The following EML1 variants were observed in gnomAD, a reference collection of about 807,000 sequenced individuals.
EML1 encodes the protein EMAP like 1, also known as echinoderm microtubule-associated protein-like 1.
Under a neutral mutation model 110.4 loss-of-function variants are expected in EML1, and 27 were observed. The observed-to-expected ratio is 0.24, with a 90% CI of 0.18 to 0.34. EML1 has a LOEUF of 0.34. Ranked by LOEUF, EML1 falls within the 10% of genes least tolerant of loss-of-function variation. The probability of loss-of-function intolerance (pLI) is 1.00; values close to 1 mark genes in which losing one functional copy is unlikely to be tolerated. For synonymous variants in EML1, 344 were observed against 385.8 expected, an observed-to-expected ratio of 0.89 and a Z score of 1.27; for missense variants, 741 against 1,030.9, an observed-to-expected ratio of 0.72 and a Z score of 3.85.
chr14:99,836,404 T>A (rs2058541563), intron 1 of EML1, among the ~76,000 whole-genome samples: 1 of 152,164 alleles, frequency 6.6e-6, no homozygotes, highest in Non-Finnish European at 1.5e-5. Flanking sequence ...ACGAGAGGGT[T>A]TTTTTGGTCA....
intron 1 of EML1, among the ~76,000 whole-genome samples, chr14:99,813,492 A>AT (rs757051347): frequency 6.6e-6 from 1 of 152,154 alleles, no homozygotes; most frequent in Non-Finnish European, 1.5e-5. Context: ...AGGCAGAAGG[A>AT]TTGCCTGAGC....
In EML1 at chr14:99,766,346, C is replaced by A. The variant is rs190012074; in HGVS notation, c.28+28486C>A. On this transcript the variant is annotated intron_variant, in intron 1 of 10. Coordinates refer to the EML1 transcript ENST00000554479. ...AGTAGCTGGGATTACAGGTGCCCAC[C>A]ACCATGCCAGCTAATTTTTGTATTT... is the stretch of plus-strand genomic sequence containing the variant. Among the ~76,000 whole-genome samples, 21 of 147,388 alleles carry A rather than the reference C, an allele frequency of 1.4e-4. No homozygotes were observed. The East Asian group carries it at 3.8e-3, about 26-fold the overall frequency.
At chr14:99,804,631 A>G (rs1190333446) in intron 1 of EML1, among the ~76,000 whole-genome samples, 3 of 152,228 alleles carry the variant, frequency 2.0e-5, no homozygotes, top group Non-Finnish European at 4.4e-5. Flanking sequence ...TGGGACAGCT[A>G]TAGACCTGAA....
At chr14:99,760,165 T>TG (rs1302224406) in intron 1 of EML1, among the ~76,000 whole-genome samples, 4 of 146,158 alleles carry the variant, frequency 2.7e-5, no homozygotes, top group African/African-American at 7.6e-5. Context: ...CCCCCAAACT[T>TG]ACAAATGTGC....
intron 1 of EML1, among the ~76,000 whole-genome samples, chr14:99,741,256 G>A (rs1403732639): frequency 6.6e-6 from 1 of 152,202 alleles, no homozygotes; most frequent in Non-Finnish European, 1.5e-5. Flanking sequence ...CTCTCCTCCT[G>A]TGTAACCTTC....
intron 3 of EML1, among the ~76,000 whole-genome samples, chr14:99,873,851 T>C (rs2059245229): frequency 6.6e-6 from 1 of 152,242 alleles, no homozygotes; most frequent in South Asian, 2.1e-4. Context: ...TGGGTCCTGG[T>C]CCCTTGTGGA....
rs2057539478 is a variant in EML1, at chr14:99,781,492, C to CA, written c.-27+7480dup. Among the ~76,000 whole-genome samples the CA allele has an allele frequency of 6.6e-6, 1 of 152,182 alleles. No individual in the cohort carries two copies. The highest frequency in any genetic ancestry group is 2.4e-5 in the African/African-American group (1 of 41,406). On this transcript the variant is annotated intron_variant, in intron 1 of 22. Coordinates refer to the EML1 transcript ENST00000327921. This position sits in a 1 kb window ranked among gnomAD's most constrained non-coding sequence, Gnocchi z 4.2. ...AGTGTGGTCTGGCGGGCCAGTTCCCCACCCCACAGCTGGGAGGATGGCTGC... is the reference window on the plus strand; with the variant it reads ...AGTGTGGTCTGGCGGGCCAGTTCCCCAACCCCACAGCTGGGAGGATGGCTGC...
chr14:99,932,039 C>G (rs1278012350), intron 17 of EML1, among the ~76,000 whole-genome samples: 2 of 152,150 alleles, frequency 1.3e-5, no homozygotes, highest in African/African-American at 4.8e-5. Flanking sequence ...ACATCACGCA[C>G]TGGTGGGTGC....
chr14:99,854,668 C>T (rs764574536), intron 2 of EML1, among the ~76,000 whole-genome samples: 21 of 152,214 alleles, frequency 1.4e-4, no homozygotes, highest in Non-Finnish European at 2.8e-4. Context: ...CCATATCACA[C>T]ACCTTCACTG....
chr14:99,895,965 G>A (rs1461785444), intron 6 of EML1, among the ~76,000 whole-genome samples: 2 of 152,134 alleles, frequency 1.3e-5, no homozygotes, highest in South Asian at 2.1e-4. Flanking sequence ...TATAACTAAC[G>A]TTCTTGAAAC....
chr14:99,914,320 GCA>G lies in EML1; in HGVS notation c.1620+17_1620+18del, dbSNP rs2059996964. The G allele has an allele frequency of 6.3e-7, 1 of 1,599,736 alleles. No individual in the cohort carries two copies. The highest frequency in any genetic ancestry group is 1.3e-5 in the African/African-American group (1 of 74,686). Reference sequence around the variant, plus strand: ...CATTACTCAGGTACGATCCCACTCAGCAGGCCCGGCAAACACTCTCATTTTGC... The same window carrying G: ...CATTACTCAGGTACGATCCCACTCAGGGCCCGGCAAACACTCTCATTTTGC... On this transcript the variant is annotated intron_variant, in intron 14 of 21. Transcript: ENST00000262233.
At chr14:99,917,929 C>G in intron 16 of EML1, 80 bp downstream of exon 16, 3 of 1,422,306 alleles carry the variant, frequency 2.1e-6, no homozygotes, top group Non-Finnish European at 3.0e-6. Context: ...CAGGAACAGG[C>G]CCCCGTTCAG....
chr14:99,855,869 T>C (rs946831776), intron 2 of EML1, among the ~76,000 whole-genome samples: 1 of 152,144 alleles, frequency 6.6e-6, no homozygotes, highest in African/African-American at 2.4e-5. Context: ...GTCCTGTCAT[T>C]CCAAGACATC....
intron 17 of EML1, among the ~76,000 whole-genome samples, chr14:99,927,809 TGGGGG>T (rs1315421919): frequency 2.9e-3 from 4 of 1,382 alleles, no homozygotes; most frequent in Non-Finnish European, 4.5e-3. Context: ...GTGGGGGGGG[TGGGGG>T]GGTGGTGGTG....
chr14:99,937,971 T>C, intron 20 of EML1, 59 bp downstream of exon 20: 1 of 1,538,432 alleles, frequency 6.5e-7, no homozygotes, highest in East Asian at 2.3e-5. Context: ...TTAAAATATT[T>C]CTTCAGTTGC....
intron 4 of EML1, among the ~76,000 whole-genome samples, chr14:99,885,200 A>C (rs1035220096): frequency 1.3e-5 from 2 of 152,214 alleles, no homozygotes; most frequent in African/African-American, 4.8e-5. Flanking sequence ...TCACTTAATG[A>C]CAGGCACATT....
intron 1 of EML1, among the ~76,000 whole-genome samples, chr14:99,804,710 G>C (rs1264643398): frequency 6.6e-6 from 1 of 152,228 alleles, no homozygotes; most frequent in African/African-American, 2.4e-5. Flanking sequence ...TACAAGTGCA[G>C]AGCAAAGGCC....
intron 2 of EML1, among the ~76,000 whole-genome samples, chr14:99,853,531 A>G (rs918910099): frequency 3.9e-5 from 6 of 152,068 alleles, no homozygotes; most frequent in African/African-American, 1.4e-4. Context: ...CTCTGTGGTC[A>G]TGGTTGGGGT....
chr14:99,793,619 A>AGCCGAGGG (rs2057711603), intron 1 of EML1, 76 bp downstream of exon 1: 6 of 959,332 alleles, frequency 6.3e-6, no homozygotes, highest in Non-Finnish European at 7.4e-6. Context: ...GCGGGGACCA[A>AGCCGAGGG]GCCGAGGGGC....
Sources: gnomAD v4.1 joint callset for allele counts (sites outside exome capture counted in the v4.1 genomes callset) on GRCh38, gnomAD v4.1.1 for gene constraint, Gnocchi (gnomAD v3.1) non-coding constraint, MANE v1.5 for transcripts, NCBI Gene and HGNC (gene_info 2026-07-23, HGNC 2026-07-21) for gene names.